Variants in PPP2R2A observed in about 807,000 individuals in gnomAD.
PPP2R2A encodes the protein protein phosphatase 2 regulatory subunit Balpha.
In PPP2R2A, 9 loss-of-function variants were observed where a neutral mutation model predicts 53.2. That is an observed-to-expected ratio of 0.17 (90% CI 0.10 to 0.30). PPP2R2A has a LOEUF of 0.30. PPP2R2A is among the 10% of genes least tolerant of loss of function. PPP2R2A has a pLI of 1.00. For missense variants in PPP2R2A, 235 were observed against 534.6 expected (o/e 0.44, Z 5.53); for synonymous variants, 169 against 174.2 (o/e 0.97, Z 0.23).
At chr8:26,292,261 C>G in intron 1 of PPP2R2A, 1 of 1,004,566 alleles carries the variant, frequency 1.0e-6, no homozygotes, top group Non-Finnish European at 1.2e-6. Flanking sequence ...TGTATATACA[C>G]ATTTATTTTG....
chr8:26,302,890 T>C (rs773139487), intron 2 of PPP2R2A, among the ~76,000 whole-genome samples: 2 of 152,220 alleles, frequency 1.3e-5, no homozygotes, highest in Non-Finnish European at 1.5e-5. Flanking sequence ...TATTTTACAA[T>C]GAAGAAATAT....
intron 1 of PPP2R2A, 145 bp downstream of exon 1, chr8:26,291,971 G>C (rs1801317478): frequency 2.5e-6 from 3 of 1,220,104 alleles, no homozygotes; most frequent in Non-Finnish European, 3.3e-6. Flanking sequence ...GGGGTGGGGT[G>C]GGGGCGGGGA....
chr8:26,330,005 A>C (rs1275746681), intron 2 of PPP2R2A, among the ~76,000 whole-genome samples: 1 of 152,144 alleles, frequency 6.6e-6, no homozygotes, highest in Non-Finnish European at 1.5e-5. Flanking sequence ...ATTTACATTT[A>C]GTCATCATGT....
intron 9 of PPP2R2A, among the ~76,000 whole-genome samples, chr8:26,367,180 C>T (rs1044728805): frequency 6.6e-6 from 1 of 152,114 alleles, no homozygotes; most frequent in Non-Finnish European, 1.5e-5. Context: ...TGTTTTCTTT[C>T]ATCTGGCTTT....
At chr8:26,367,697 T>C (rs1805453346) in intron 9 of PPP2R2A, among the ~76,000 whole-genome samples, 1 of 152,224 alleles carries the variant, frequency 6.6e-6, no homozygotes, top group African/African-American at 2.4e-5. Flanking sequence ...CCCATAACCC[T>C]AAATTCTTGA....
chr8:26,341,651 G>A (rs943096139), intron 3 of PPP2R2A, among the ~76,000 whole-genome samples: 4 of 152,164 alleles, frequency 2.6e-5, no homozygotes, highest in African/African-American at 4.8e-5. Flanking sequence ...GTACACTGGT[G>A]CCTAATGTTT....
chr8:26,367,745 G>A (rs926302299), intron 9 of PPP2R2A, among the ~76,000 whole-genome samples: 4 of 152,302 alleles, frequency 2.6e-5, no homozygotes, highest in South Asian at 2.1e-4. Flanking sequence ...CCAACATAGT[G>A]ACAGTGCAGC....
intron 3 of PPP2R2A, among the ~76,000 whole-genome samples, chr8:26,345,776 T>C (rs1234937271): frequency 6.6e-6 from 1 of 152,170 alleles, no homozygotes; most frequent in African/African-American, 2.4e-5. Context: ...ATTATTTCAT[T>C]GGATTTTGGT....
In PPP2R2A at chr8:26,320,082, C is replaced by A. The variant is rs186034592; in HGVS notation, c.83-18808C>A. ...AAATGTTTGTAAATCACCTTTCTTT[C>A]AACACCTCACCTGGAAATCTGGTGA... On this transcript the variant is annotated intron_variant, in intron 2 of 9. Transcript: ENST00000380737. 1.4e-4 allele frequency among the ~76,000 whole-genome samples: 22 copies of A among 152,298 alleles called. No homozygotes were observed. In the East Asian group the frequency reaches 1.9e-3, roughly 13 times the overall value.
At chr8:26,294,150 C>T (rs1489951716) in intron 2 of PPP2R2A, among the ~76,000 whole-genome samples, 2 of 152,168 alleles carry the variant, frequency 1.3e-5, no homozygotes, top group Non-Finnish European at 2.9e-5. Flanking sequence ...TTCTTAACGG[C>T]ATCTTTGATT....
intron 2 of PPP2R2A, among the ~76,000 whole-genome samples, chr8:26,318,904 C>A (rs1255977379): frequency 6.6e-6 from 1 of 152,142 alleles, no homozygotes; most frequent in South Asian, 2.1e-4. Context: ...GTGTATAGTT[C>A]AGTGTCATTA....
At chr8:26,361,723 G>A (rs1805093236) in intron 6 of PPP2R2A, among the ~76,000 whole-genome samples, 1 of 152,186 alleles carries the variant, frequency 6.6e-6, no homozygotes, top group Non-Finnish European at 1.5e-5. Context: ...ACTTTGGGAG[G>A]TCAAGGTGGG....
At chr8:26,366,981 A>T (rs1430167757) in intron 9 of PPP2R2A, among the ~76,000 whole-genome samples, 2 of 152,258 alleles carry the variant, frequency 1.3e-5, no homozygotes, top group South Asian at 2.1e-4. Context: ...AATAAGTCTT[A>T]CTTTGAGTCT....
At chr8:26,326,575 CTAATTTG>C (rs1803099040) in intron 2 of PPP2R2A, among the ~76,000 whole-genome samples, 1 of 152,034 alleles carries the variant, frequency 6.6e-6, no homozygotes, top group Admixed American at 6.6e-5. Context: ...CATAGTAATC[CTAATTTG>C]TAAAGATTTT....
In PPP2R2A at chr8:26,372,221, T is replaced by G. The variant is rs1805690200; in HGVS notation, c.*1808T>G. On this transcript the variant is annotated 3_prime_UTR_variant, in exon 10 of 10. Coordinates refer to ENST00000380737, the MANE Select transcript of PPP2R2A (RefSeq NM_002717.4). ...TATGTCTGATAATTCTTAATGGCAC[T>G]TTTACTAATTTATTTGGGGATCTTG... 1 of 152,212 alleles carries G rather than the reference T, an allele frequency of 6.6e-6. No homozygotes were observed. Among genetic ancestry groups the G allele is most frequent in the South Asian group, 2.1e-4 (1 of 4,834 alleles). 9.4% of individuals were successfully genotyped at this position (152,212 alleles called of 1,614,324 possible).
At chr8:26,335,865 C>A (rs1259897630) in intron 2 of PPP2R2A, among the ~76,000 whole-genome samples, 2 of 152,202 alleles carry the variant, frequency 1.3e-5, no homozygotes, top group African/African-American at 4.8e-5. Context: ...AAACACATAA[C>A]CACATCACTG....
intron 3 of PPP2R2A, among the ~76,000 whole-genome samples, chr8:26,344,689 C>T (rs1435771543): frequency 6.6e-6 from 1 of 152,142 alleles, no homozygotes; most frequent in Non-Finnish European, 1.5e-5. Flanking sequence ...TGTCAGCTAC[C>T]TGTTAATCTT....
At chr8:26,303,470 G>A (rs577850657) in intron 2 of PPP2R2A, among the ~76,000 whole-genome samples, 55 of 152,190 alleles carry the variant, frequency 3.6e-4, no homozygotes, top group African/African-American at 1.3e-3. Context: ...GTAGCAGTTT[G>A]GTGATGTGTT....
At chr8:26,320,744 T>C (rs1428325646) in intron 2 of PPP2R2A, among the ~76,000 whole-genome samples, 6 of 152,196 alleles carry the variant, frequency 3.9e-5, no homozygotes, top group Non-Finnish European at 8.8e-5. Flanking sequence ...GTGGTATTAT[T>C]ATTATTTTTT....
Sources: gnomAD v4.1 joint callset for allele counts (sites outside exome capture counted in the v4.1 genomes callset) on GRCh38, gnomAD v4.1.1 for gene constraint, MANE v1.5 for transcripts, NCBI Gene and HGNC (gene_info 2026-07-23, HGNC 2026-07-21) for gene names.